GYG2: variants seen among roughly 807,000 people sequenced by gnomAD.
The protein encoded by GYG2 is glycogenin-2.
Under a neutral mutation model 29.4 loss-of-function variants are expected in GYG2, and 29 were observed. That is an observed-to-expected ratio of 0.99 (90% CI 0.74 to 1.35). GYG2 has a LOEUF of 1.35. Among genes scored for constraint, GYG2 ranks in the 40% most tolerant of loss-of-function variants. The probability of loss-of-function intolerance (pLI) is 0.00; values close to 1 mark genes in which losing one functional copy is unlikely to be tolerated. For synonymous variants in GYG2, 167 were observed against 172.3 expected, an observed-to-expected ratio of 0.97 and a Z score of 0.24; for missense variants, 370 against 385.7, an observed-to-expected ratio of 0.96 and a Z score of 0.34.
intron 3 of GYG2, among the ~76,000 whole-genome samples, chrX:2,846,689 GAGTT>G (rs1363751417): frequency 4.7e-4 from 52 of 111,631 alleles, no homozygotes; most frequent in African/African-American, 1.5e-3. Context: ...AGGCTGTAGT[GAGTT>G]ATGATCACAC....
At chrX:2,875,746 A>G (rs1021679561) in intron 8 of GYG2, 64 bp from the exon 9 acceptor site, 4 of 721,436 alleles carry the variant, frequency 5.5e-6, no homozygotes, top group African/African-American at 4.2e-5. Context: ...GGTATTTTCA[A>G]TTAAGTTGCA....
rs574952526 is a variant in GYG2 at position 2,834,773 on chromosome X, C to A, written c.7+4578C>A. Among the ~76,000 whole-genome samples the A allele has an allele frequency of 1.8e-4, 20 of 112,154 alleles. 1 individual carries two copies. In the South Asian group the frequency reaches 7.4e-3, roughly 42 times the overall value. The stretch of plus-strand genomic sequence containing the variant: ...CTTCACTCTTTCTCTAAGCAGATGC[C>A]CTTATGTGTGCAGCTTATGGCATAG... On this transcript the variant is annotated intron_variant, in intron 2 of 10. Transcript: ENST00000398806.
Position 2,860,015 on chromosome X carries a change from CT to C in GYG2, c.790del (p.Tyr264IlefsTer68), listed in dbSNP as rs777010939. ...WTVYQNNVLP[L>X]YKSVQAGEAR... ...GGTCTACCAGAACAACGTGCTGCCC[CT>C]TTATAAAAGCGTCCAAGCGGGGGAA... On this transcript the variant is annotated frameshift_variant, in exon 7 of 11. Coordinates refer to ENST00000398806, the MANE Select transcript of GYG2 (RefSeq NM_001079855.2). LOFTEE classifies it high-confidence loss of function. 1.7e-6 allele frequency: 2 copies of C among 1,204,026 alleles called. No homozygotes were observed. Among genetic ancestry groups the C allele is most frequent in the South Asian group, 1.8e-5 (1 of 55,641 alleles).
At chrX:2,844,577 C>A (rs770483835) in intron 3 of GYG2, among the ~76,000 whole-genome samples, 1 of 61,107 alleles carries the variant, frequency 1.6e-5, no homozygotes, top group Non-Finnish European at 3.1e-5. Context: ...TATACGCACA[C>A]GCATGCGTAT....
intron 8 of GYG2, among the ~76,000 whole-genome samples, chrX:2,871,133 G>T (rs1408310153): frequency 1.8e-5 from 2 of 109,767 alleles, no homozygotes; most frequent in Non-Finnish European, 3.8e-5. Flanking sequence ...GTCTATTTCT[G>T]GTTCTCCTCT....
rs62582301 is a variant in GYG2 at position 2,844,735 on chromosome X, C to T, written c.149+1381C>T. ...ATGCGTATATGTGTATACGCACACG[C>T]ATGCGTATATGTGTATACGCACACG... On this transcript the variant is annotated intron_variant, in intron 3 of 10. Coordinates refer to ENST00000398806, the MANE Select transcript of GYG2 (RefSeq NM_001079855.2). Among the ~76,000 whole-genome samples the T allele has an allele frequency of 1.5e-4, 6 of 40,791 alleles. 2 individuals carry two copies. Among genetic ancestry groups the T allele is most frequent in the African/African-American group, 2.3e-4 (2 of 8,838 alleles). The allele number at this position is 40,791 out of a possible 115,157, so 35.4% of individuals were successfully genotyped here.
At chrX:2,844,597 C>A (rs1425373775) in intron 3 of GYG2, among the ~76,000 whole-genome samples, 1 of 53,068 alleles carries the variant, frequency 1.9e-5, no homozygotes, top group Non-Finnish European at 3.3e-5. Flanking sequence ...TATGTGTATA[C>A]GCACACGCAT....
At chrX:2,878,514 C>T (rs952333962) in intron 10 of GYG2, among the ~76,000 whole-genome samples, 1 of 111,526 alleles carries the variant, frequency 9.0e-6, no homozygotes, top group African/African-American at 3.3e-5. Flanking sequence ...AAGTGATCCT[C>T]CTTTTTTGGC....
intron 10 of GYG2, among the ~76,000 whole-genome samples, chrX:2,879,270 CTTT>C (rs752455317): frequency 6.4e-5 from 6 of 93,438 alleles, no homozygotes; most frequent in Admixed American, 1.2e-4. Context: ...TATCTATTTT[CTTT>C]TTTTTTTTTT....
chrX:2,852,386 T>C (rs1248225266), intron 3 of GYG2, among the ~76,000 whole-genome samples: 2 of 112,071 alleles, frequency 1.8e-5, no homozygotes, highest in African/African-American at 6.5e-5. Flanking sequence ...CCCCCTGTAT[T>C]CTTTCAATAT....
intron 8 of GYG2, among the ~76,000 whole-genome samples, chrX:2,870,609 T>C (rs1361851253): frequency 8.9e-6 from 1 of 112,296 alleles, no homozygotes; most frequent in Non-Finnish European, 1.9e-5. Context: ...CTGACCTATT[T>C]TCTAGTTAAC....
chrX:2,848,420 T>C (rs1057077363), intron 3 of GYG2, among the ~76,000 whole-genome samples: 42 of 109,971 alleles, frequency 3.8e-4, no homozygotes, highest in African/African-American at 1.4e-3. Flanking sequence ...CGCCTGTAAT[T>C]CCAGCTACTC....
chrX:2,843,255 A>T lies in GYG2; in HGVS notation c.50A>T (p.Tyr17Phe). The change falls in exon 3 of 11, where the codon TAC becomes TTC. Residue 17 changes from tyrosine (Y) to phenylalanine (F), a missense_variant. Coordinates refer to ENST00000398806, the MANE Select transcript of GYG2 (RefSeq NM_001079855.2). ...GTCACACTAGCCACCAATGACATCT[A>T]CTGCCAGGGCGCCCTGGTCCTGGGG... ...AFVTLATNDI[Y>F]CQGALVLGQS... 3 of 1,200,491 alleles carry T rather than the reference A, an allele frequency of 2.5e-6. No individual in the cohort carries two copies. Among genetic ancestry groups the T allele is most frequent in the Non-Finnish European group, 3.4e-6 (3 of 885,555 alleles).
At chrX:2,834,162 T>C (rs1271028241) in intron 2 of GYG2, among the ~76,000 whole-genome samples, 1 of 112,302 alleles carries the variant, frequency 8.9e-6, no homozygotes, top group Non-Finnish European at 1.9e-5. Context: ...TTTTTCTGCC[T>C]CTTCCTTCTT....
Position 2,882,112 on chromosome X carries a change from T to G in GYG2, c.*899T>G, listed in dbSNP as rs2088731017. Reference sequence around the variant, plus strand: ...TTTCCACTCAGCTCTTTCCAGAGAATTCTCAGTTTTATGAGACGGGAAACT... The same window carrying G: ...TTTCCACTCAGCTCTTTCCAGAGAAGTCTCAGTTTTATGAGACGGGAAACT... On this transcript the variant is annotated 3_prime_UTR_variant, in exon 11 of 11. Coordinates refer to ENST00000398806, the MANE Select transcript of GYG2 (RefSeq NM_001079855.2). 1 of 110,735 alleles carries G rather than the reference T, an allele frequency of 9.0e-6. No homozygotes were observed. Among genetic ancestry groups the G allele is most frequent in the South Asian group, 4.0e-4 (1 of 2,530 alleles). The allele number at this position is 110,735 out of a possible 1,213,427, so 9.1% of individuals were successfully genotyped here. A position where few individuals can be genotyped will look rare whatever the true frequency, so the allele number is the denominator to read the frequency against.
At chrX:2,844,375 C>T (rs1387005559) in intron 3 of GYG2, among the ~76,000 whole-genome samples, 3 of 111,395 alleles carry the variant, frequency 2.7e-5, no homozygotes, top group Non-Finnish European at 5.7e-5. Flanking sequence ...GCTACCTATA[C>T]AAAGCAAAGA....
In GYG2 at chrX:2,862,188, A is replaced by G. The variant is rs182265596; in HGVS notation, c.1038+466A>G. Among the ~76,000 whole-genome samples the G allele has an allele frequency of 2.1e-3, 237 of 111,019 alleles. 2 individuals are homozygous for G. Among genetic ancestry groups the G allele is most frequent in the African/African-American group, 7.4e-3 (226 of 30,544 alleles). On this transcript the variant is annotated intron_variant, in intron 8 of 10. Coordinates refer to ENST00000398806, the MANE Select transcript of GYG2 (RefSeq NM_001079855.2). ...TTTGAAGATGGAAGAGGAGGCCACG[A>G]GCGAGGGAATATGGTGGCCTCCAGA... is the stretch of plus-strand genomic sequence containing the variant.
intron 3 of GYG2, among the ~76,000 whole-genome samples, chrX:2,845,723 A>G (rs1200688173): frequency 1.9e-5 from 2 of 105,762 alleles, no homozygotes; most frequent in Non-Finnish European, 3.9e-5. Context: ...ACATATATTT[A>G]TGCATGTGTA....
chrX:2,834,921 G>C lies in GYG2; in HGVS notation c.7+4726G>C, dbSNP rs536056620. Among the ~76,000 whole-genome samples the C allele has an allele frequency of 1.5e-4, 17 of 111,777 alleles. 1 individual carries two copies. The South Asian group carries it at 6.3e-3, about 42-fold the overall frequency. On this transcript the variant is annotated intron_variant, in intron 2 of 10. Transcript: ENST00000398806. ...TCAATCCATTTAGAAAGTTTATTTT[G>C]CCAAGGTTAAGGACATGCCCGTGAC...
Sources: gnomAD v4.1 joint callset for allele counts (sites outside exome capture counted in the v4.1 genomes callset) on GRCh38, gnomAD v4.1.1 for gene constraint, MANE v1.5 for transcripts, NCBI Gene and HGNC (gene_info 2026-07-23, HGNC 2026-07-21) for gene names.